RIMS2: variants seen among roughly 807,000 people sequenced by gnomAD.
RIMS2 encodes regulating synaptic membrane exocytosis protein 2.
Under a neutral mutation model 174.4 loss-of-function variants are expected in RIMS2, and 59 were observed. The ratio of observed to expected loss-of-function variants is 0.34; its 90% CI spans 0.27 to 0.42. The LOEUF (loss-of-function observed/expected upper bound fraction) is 0.42. Among genes scored for constraint, RIMS2 ranks in the 10% least tolerant of loss-of-function variants. The pLI, the probability that RIMS2 is intolerant of heterozygous loss-of-function variation, is 1.00. For missense variants in RIMS2, 1,620 were observed against 1,666.3 expected (o/e 0.97, Z 0.48); for synonymous variants, 606 against 572.5 (o/e 1.06, Z -0.84).
intron 19 of RIMS2, among the ~76,000 whole-genome samples, chr8:104,167,876 C>G (rs184664010): frequency 2.6e-5 from 4 of 152,192 alleles, no homozygotes; most frequent in South Asian, 2.1e-4. Context: ...TTTTATTCTT[C>G]TGTATGTGGC....
At chr8:103,874,247 C>G (rs997001101) in intron 3 of RIMS2, among the ~76,000 whole-genome samples, 6 of 151,888 alleles carry the variant, frequency 4.0e-5, no homozygotes, top group Admixed American at 3.9e-4. Flanking sequence ...CCTTAAGAGG[C>G]ACTGTGATTG....
intron 2 of RIMS2, among the ~76,000 whole-genome samples, chr8:103,702,787 A>G (rs987089319): frequency 6.9e-6 from 1 of 144,320 alleles, no homozygotes; most frequent in Non-Finnish European, 1.5e-5. Flanking sequence ...TGCTAGTACT[A>G]TGCTGTTTTG....
At chr8:103,973,329 T>A (rs1425524734) in intron 15 of RIMS2, among the ~76,000 whole-genome samples, 1 of 152,052 alleles carries the variant, frequency 6.6e-6, no homozygotes, top group East Asian at 1.9e-4. Context: ...TTACATAATA[T>A]ATGTGTTCCT....
At chr8:103,595,189 AGTT>A (rs2094438118) in intron 1 of RIMS2, among the ~76,000 whole-genome samples, 1 of 151,782 alleles carries the variant, frequency 6.6e-6, no homozygotes, top group Non-Finnish European at 1.5e-5. Context: ...AGTTTTGCAG[AGTT>A]TCTCTTCTCC....
At chr8:104,015,832 T>A (rs1202353284) in intron 19 of RIMS2, among the ~76,000 whole-genome samples, 1 of 152,076 alleles carries the variant, frequency 6.6e-6, no homozygotes, top group Non-Finnish European at 1.5e-5. Context: ...ATAGTGTAGT[T>A]ATATTTACCA....
rs1377352511 is a variant in RIMS2 at position 104,094,580 on chromosome 8, AG to A, written c.3334+79968del. On this transcript the variant is annotated intron_variant, in intron 19 of 23. Transcript: ENST00000504942. ...AAGAAAGAATTAATGAGAATGAGAA[AG>A]GGAAAGAGATTGCCAAAACGTGTAA... 5.7e-6 allele frequency: 4 copies of A among 702,232 alleles called. No individual in the cohort carries two copies. In the Admixed American group the frequency reaches 8.0e-5, roughly 14 times the overall value. The allele number at this position is 702,232 out of a possible 1,614,324, so 43.5% of individuals were successfully genotyped here.
chr8:103,910,306 A>C lies in RIMS2; in HGVS notation c.1692+105A>C. On this transcript the variant is annotated intron_variant, in intron 5 of 23. Coordinates refer to ENST00000504942, the Ensembl canonical transcript of RIMS2. Reference sequence around the variant, plus strand: ...TTTTTTGTATCTTTTTTTTTTTTTTATCCCATACCTGTAGGGGACAGTCAA... The same window carrying C: ...TTTTTTGTATCTTTTTTTTTTTTTTCTCCCATACCTGTAGGGGACAGTCAA... 9.3e-7 allele frequency: 1 copy of C among 1,079,380 alleles called. No individual in the cohort carries two copies. Among genetic ancestry groups the C allele is most frequent in the Non-Finnish European group, 1.2e-6 (1 of 821,418 alleles). 66.9% of individuals were successfully genotyped at this position (1,079,380 alleles called of 1,614,324 possible). A position where few individuals can be genotyped will look rare whatever the true frequency, so the allele number is the denominator to read the frequency against.
At chr8:104,053,819 A>G (rs1451467023) in intron 19 of RIMS2, among the ~76,000 whole-genome samples, 1 of 152,134 alleles carries the variant, frequency 6.6e-6, no homozygotes, top group Non-Finnish European at 1.5e-5. Flanking sequence ...CCTTACAGTG[A>G]CAAAGAGAAG....
chr8:103,883,071 G>A (rs1471359647), intron 3 of RIMS2, among the ~76,000 whole-genome samples: 1 of 151,644 alleles, frequency 6.6e-6, no homozygotes, highest in East Asian at 1.9e-4. Context: ...CTAAGAAATG[G>A]AAGATGGTTT....
At chr8:103,766,282 G>C (rs745835143) in exon 3 of RIMS2, 16 of 1,613,424 alleles carry the variant, frequency 9.9e-6, no homozygotes, top group Non-Finnish European at 1.1e-5. Context: ...ACTAAATCAG[G>C]AGCATGGTTT....
At chr8:103,926,452 A>G (rs1032676865) in intron 10 of RIMS2, among the ~76,000 whole-genome samples, 20 of 151,574 alleles carry the variant, frequency 1.3e-4, no homozygotes, top group African/African-American at 4.8e-4. Flanking sequence ...TGGTTTTGAA[A>G]GAGACAGAGA....
chr8:103,645,489 GTGTTAGGTATAGCCT>G (rs1231761433), intron 1 of RIMS2, among the ~76,000 whole-genome samples: 3 of 152,148 alleles, frequency 2.0e-5, no homozygotes, highest in African/African-American at 7.2e-5. Flanking sequence ...TTAATTTACA[GTGTTAGGTATAGCCT>G]TGTAATGAAA....
intron 19 of RIMS2, among the ~76,000 whole-genome samples, chr8:104,018,166 T>C (rs539622547): frequency 6.6e-6 from 1 of 152,326 alleles, no homozygotes; most frequent in South Asian, 2.1e-4. Flanking sequence ...GATATACCTA[T>C]TTGGTCTTAT....
chr8:103,623,605 C>A (rs1245279560), intron 1 of RIMS2, among the ~76,000 whole-genome samples: 12 of 151,000 alleles, frequency 7.9e-5, no homozygotes, highest in Admixed American at 7.9e-4. Context: ...CTGCCTCAGC[C>A]TCCCGAGTAG....
At chr8:103,802,153 C>A (rs190042262) in intron 3 of RIMS2, among the ~76,000 whole-genome samples, 23 of 152,218 alleles carry the variant, frequency 1.5e-4, no homozygotes, top group African/African-American at 4.8e-4. Context: ...AATTTTAACA[C>A]CAAAATGACC....
chr8:104,134,737 C>T (rs901039721), intron 19 of RIMS2, among the ~76,000 whole-genome samples: 18 of 152,280 alleles, frequency 1.2e-4, no homozygotes, highest in Non-Finnish European at 2.2e-4. Context: ...TTGAACATAT[C>T]ATTTTGTCCC....
In RIMS2 at chr8:104,095,909, TG is replaced by T. The variant is rs553480305; in HGVS notation, c.3334+81295del. 1.8e-4 allele frequency among the ~76,000 whole-genome samples: 27 copies of T among 152,276 alleles called. 1 individual carries two copies. In the South Asian group the frequency reaches 5.4e-3, roughly 30 times the overall value. Reference sequence around the variant, plus strand: ...GTGATTTAGCCGATGTCCCTTCCCTTGTTATCTTAGATATATTTAACTGTAT... The same window carrying T: ...GTGATTTAGCCGATGTCCCTTCCCTTTTATCTTAGATATATTTAACTGTAT... On this transcript the variant is annotated intron_variant, in intron 19 of 23. Transcript: ENST00000504942.
intron 19 of RIMS2, among the ~76,000 whole-genome samples, chr8:104,123,671 G>A (rs945746260): frequency 2.6e-5 from 4 of 151,224 alleles, no homozygotes; most frequent in African/African-American, 7.3e-5. Flanking sequence ...AATACAAATA[G>A]TGATTAACTA....
At chr8:104,045,960 C>T (rs2096686745) in intron 19 of RIMS2, among the ~76,000 whole-genome samples, 1 of 151,900 alleles carries the variant, frequency 6.6e-6, no homozygotes, top group South Asian at 2.1e-4. Context: ...TTAGGGTTAG[C>T]TAAGTGAAAC....
Sources: allele counts gnomAD v4.1 joint callset (sites outside exome capture counted in the v4.1 genomes callset), GRCh38; gene constraint gnomAD v4.1.1; transcripts MANE v1.5; gene names NCBI Gene and HGNC (gene_info 2026-07-23, HGNC 2026-07-21).